The following NRXN1 variants were observed in gnomAD, a reference collection of about 807,000 sequenced individuals.
NRXN1 encodes the protein neurexin-1.
Under a neutral mutation model 150.9 loss-of-function variants are expected in NRXN1, and 39 were observed. That is an observed-to-expected ratio of 0.26 (90% CI 0.20 to 0.34). The LOEUF (loss-of-function observed/expected upper bound fraction) is 0.34, where lower values mean the gene tolerates loss of function less well. NRXN1 is among the 10% of genes least tolerant of loss of function. The pLI, the probability that NRXN1 is intolerant of heterozygous loss-of-function variation, is 1.00. For synonymous variants in NRXN1, 924 were observed against 757.0 expected, an observed-to-expected ratio of 1.22 and a Z score of -3.62; for missense variants, 1,815 against 1,949.9, an observed-to-expected ratio of 0.93 and a Z score of 1.30.
intron 17 of NRXN1, among the ~76,000 whole-genome samples, chr2:50,355,170 C>T (rs932026180): frequency 6.6e-6 from 1 of 151,210 alleles, no homozygotes; most frequent in African/African-American, 2.4e-5. Context: ...CTTAATCATG[C>T]GATTCAAATT....
intron 17 of NRXN1, among the ~76,000 whole-genome samples, chr2:50,311,821 A>T (rs547257187): frequency 6.6e-5 from 10 of 152,282 alleles, no homozygotes; most frequent in Admixed American, 2.6e-4. Flanking sequence ...CTGTCACAAC[A>T]TTCAGGAGTA....
At chr2:50,481,764 T>C (rs1369472064) in intron 15 of NRXN1, among the ~76,000 whole-genome samples, 1 of 111,504 alleles carries the variant, frequency 9.0e-6, no homozygotes, top group East Asian at 2.2e-4. Flanking sequence ...TTGTTTCTTT[T>C]TTTTTTTTTT....
chr2:50,250,589 G>A (rs1408227838), intron 17 of NRXN1, among the ~76,000 whole-genome samples: 5 of 151,966 alleles, frequency 3.3e-5, no homozygotes, highest in African/African-American at 1.2e-4. Flanking sequence ...GATTAGATAA[G>A]TTCTAGTATC....
chr2:50,553,464 C>T (rs915673575), intron 8 of NRXN1, among the ~76,000 whole-genome samples: 2 of 152,106 alleles, frequency 1.3e-5, no homozygotes, highest in African/African-American at 2.4e-5. Context: ...AAATTGGATA[C>T]CATTATATAC....
chr2:50,326,898 A>T (rs1444396696), intron 17 of NRXN1, among the ~76,000 whole-genome samples: 1 of 152,204 alleles, frequency 6.6e-6, no homozygotes, highest in Non-Finnish European at 1.5e-5. Context: ...AAAATTTTTT[A>T]AACTGACAAT....
At chr2:50,588,508 C>T (rs185760829) in intron 8 of NRXN1, among the ~76,000 whole-genome samples, 67 of 152,198 alleles carry the variant, frequency 4.4e-4, no homozygotes, top group Admixed American at 2.0e-3. Context: ...CTGACTCCTC[C>T]GACTTCATCC....
rs1043714805 is a variant in NRXN1 at position 49,925,581 on chromosome 2, A to G, written c.4217-3330T>C. 8.5e-5 allele frequency among the ~76,000 whole-genome samples: 13 copies of G among 152,276 alleles called. 1 individual carries two copies. Among genetic ancestry groups the G allele is most frequent in the South Asian group, 4.1e-4 (2 of 4,832 alleles). On this transcript the variant is annotated intron_variant, in intron 22 of 22. Coordinates refer to ENST00000401669, the MANE Select transcript of NRXN1 (RefSeq NM_001330078.2). Reference sequence around the variant, plus strand: ...ATCTCATCCATTTACTAAAATGTGAAAAAAAGAGAAACATAATTAATTTGT... The same window carrying G: ...ATCTCATCCATTTACTAAAATGTGAGAAAAAGAGAAACATAATTAATTTGT...
intron 18 of NRXN1, among the ~76,000 whole-genome samples, chr2:50,152,730 T>A (rs10209998): frequency 2.6e-5 from 4 of 151,510 alleles, no homozygotes; most frequent in Non-Finnish European, 5.9e-5. Context: ...AATGACTTGC[T>A]TCTCTCTCAC....
At chr2:49,960,173 T>C (rs1675684524) in intron 21 of NRXN1, among the ~76,000 whole-genome samples, 1 of 152,212 alleles carries the variant, frequency 6.6e-6, no homozygotes, top group Non-Finnish European at 1.5e-5. Flanking sequence ...AGAATGTGTA[T>C]GAGTTTCATC....
intron 17 of NRXN1, among the ~76,000 whole-genome samples, chr2:50,401,469 AG>A (rs1246819539): frequency 6.6e-6 from 1 of 152,006 alleles, no homozygotes; most frequent in Non-Finnish European, 1.5e-5. Context: ...GAGAGCGGGG[AG>A]GGAGAGGGCT....
chr2:50,094,673 T>C (rs925348285), intron 18 of NRXN1, among the ~76,000 whole-genome samples: 5 of 151,754 alleles, frequency 3.3e-5, no homozygotes, highest in African/African-American at 4.8e-5. Flanking sequence ...TTGTGGACCC[T>C]AGGTTAGAGT....
At chr2:50,018,373 T>G (rs72889520) in intron 21 of NRXN1, among the ~76,000 whole-genome samples, 4,882 of 152,118 alleles carry the variant, frequency 0.032, 257 homozygotes, top group African/African-American at 0.11. Context: ...TTTCTCCTAC[T>G]CAAAGAGCAA....
chr2:50,797,200 GTTC>G (rs528718171), intron 5 of NRXN1, among the ~76,000 whole-genome samples: 130 of 152,092 alleles, frequency 8.5e-4, no homozygotes, highest in Non-Finnish European at 1.6e-3. Context: ...TTCCTGATTG[GTTC>G]ATAATTAGAT....
chr2:49,967,270 T>C (rs1169697689), intron 21 of NRXN1, among the ~76,000 whole-genome samples: 1 of 152,114 alleles, frequency 6.6e-6, no homozygotes, highest in Non-Finnish European at 1.5e-5. Flanking sequence ...CTAAAATATG[T>C]TTATGACATT....
chr2:50,682,899 C>G (rs932060438), intron 5 of NRXN1, among the ~76,000 whole-genome samples: 2 of 152,050 alleles, frequency 1.3e-5, no homozygotes, highest in African/African-American at 2.4e-5. Context: ...TCAATACAGC[C>G]TTGCACATAA....
At chr2:50,425,512 G>C (rs1293114486) in intron 17 of NRXN1, among the ~76,000 whole-genome samples, 1 of 152,130 alleles carries the variant, frequency 6.6e-6, no homozygotes, top group Non-Finnish European at 1.5e-5. Context: ...ATGGAGGCAG[G>C]TAGAGGCAGA....
chr2:49,979,612 T>C lies in NRXN1; in HGVS notation c.4129-35821A>G, dbSNP rs539752885. The stretch of plus-strand genomic sequence containing the variant: ...GCATGGATGACTTTCAAAAGACATA[T>C]GTCAGAAAGTAAACTCCAGTTGACA... On this transcript the variant is annotated intron_variant, in intron 21 of 22. Coordinates refer to ENST00000401669, the MANE Select transcript of NRXN1 (RefSeq NM_001330078.2). 3.1e-4 allele frequency among the ~76,000 whole-genome samples: 47 copies of C among 152,284 alleles called. 1 individual carries two copies. In the South Asian group the frequency reaches 7.5e-3, roughly 24 times the overall value.
At chr2:51,018,394 A>C (rs1265316841) in intron 2 of NRXN1, among the ~76,000 whole-genome samples, 2 of 152,078 alleles carry the variant, frequency 1.3e-5, no homozygotes, top group African/African-American at 4.8e-5. Context: ...GTAACTAGAC[A>C]AGAGGCCAGG....
chr2:50,953,737 T>A lies in NRXN1; in HGVS notation c.773-27782A>T, dbSNP rs146540087. Among the ~76,000 whole-genome samples the A allele has an allele frequency of 2.8e-4, 42 of 152,076 alleles. 1 individual carries two copies. Among genetic ancestry groups the A allele is most frequent in the African/African-American group, 9.9e-4 (41 of 41,478 alleles). On this transcript the variant is annotated intron_variant, in intron 2 of 22. Transcript: ENST00000401669. ...CCACCATGCCTGGCTAATTTTTGTATTTTAGTAGAGACGAAATTTCACCAT... is the reference window on the plus strand; with the variant it reads ...CCACCATGCCTGGCTAATTTTTGTAATTTAGTAGAGACGAAATTTCACCAT...
Sources: allele counts gnomAD v4.1 joint callset (sites outside exome capture counted in the v4.1 genomes callset), GRCh38; gene constraint gnomAD v4.1.1; transcripts MANE v1.5; gene names NCBI Gene and HGNC (gene_info 2026-07-23, HGNC 2026-07-21).